The following ZNF205 variants were observed in gnomAD, a reference collection of about 807,000 sequenced individuals.
The protein encoded by ZNF205 is zinc finger protein 205, also known as transcriptional repressor RHIT.
ZNF205 carries 32 observed loss-of-function variants against 53.6 expected under a neutral mutation model. The ratio of observed to expected loss-of-function variants is 0.60; its 90% CI spans 0.45 to 0.80. ZNF205 has a LOEUF of 0.80. Among genes scored for constraint, ZNF205 ranks in the 30% least tolerant of loss-of-function variants. The pLI, the probability that ZNF205 is intolerant of heterozygous loss-of-function variation, is 0.00. For missense variants in ZNF205, 836 were observed against 782.4 expected (o/e 1.07, Z -0.82); for synonymous variants, 382 against 334.3 (o/e 1.14, Z -1.56).
rs1189962591 is a variant in ZNF205 at position 3,120,244 on chromosome 16, C to T, written c.1584C>T (p.Thr528=). ...ACCGGCACGAGAAGATCCACACCACCGGGCCCAAGGCCCTGGCCATGCTGA... is the reference window on the plus strand; with the variant it reads ...ACCGGCACGAGAAGATCCACACCACTGGGCCCAAGGCCCTGGCCATGCTGA... ...NLHRHEKIHT[T]GPKALAMLML... The change falls in exon 7 of 7, where the codon ACC becomes ACT. Residue 528 remains threonine, a synonymous_variant. Transcript: ENST00000219091. 2.5e-6 allele frequency: 4 copies of T among 1,606,852 alleles called. No individual in the cohort carries two copies. The highest frequency in any genetic ancestry group is 1.3e-5 in the African/African-American group (1 of 74,934).
chr16:3,115,385 A>G lies in ZNF205; in HGVS notation c.88A>G (p.Met30Val). ...AGATCGTGGACATCCTCATCAGGAA[A>G]TGCCTTCTAAGCTGGGGGAGGCGGT... ...VPDRGHPHQE[M>V]PSKLGEAVPS... The change falls in exon 3 of 7, where the codon ATG (methionine) becomes GTG (valine). Residue 30 changes from methionine (M) to valine (V), a missense_variant. Physicochemically the swap from Met to Val is conservative, Grantham distance 21. Transcript: ENST00000219091. 4 of 1,604,790 alleles carry G rather than the reference A, an allele frequency of 2.5e-6. No homozygotes were observed. Among genetic ancestry groups the G allele is most frequent in the Non-Finnish European group, 3.4e-6 (4 of 1,175,952 alleles).
In ZNF205 at chr16:3,116,555, C is replaced by T; in HGVS notation, c.484+8C>T. 1 of 1,612,916 alleles carries T rather than the reference C, an allele frequency of 6.2e-7. No individual in the cohort carries two copies. Among genetic ancestry groups the T allele is most frequent in the Non-Finnish European group, 8.5e-7 (1 of 1,179,408 alleles). ...AAAATGGGCTGTCACTGGGTAAGCA[C>T]TCGCCTGGAGGGGGGACTGGGGTGT... On this transcript the variant is annotated splice_region_variant and intron_variant, in intron 5 of 6. Transcript: ENST00000219091.
Position 3,115,548 on chromosome 16 carries a change from C to G in ZNF205, c.251C>G (p.Ala84Gly). Residue 84 changes from alanine (A) to glycine (G), a missense_variant, in exon 3 of 7, where the codon GCT becomes GGT. By Grantham distance (60) the Ala-to-Gly change is moderately conservative. Coordinates refer to ENST00000219091, the MANE Select transcript of ZNF205 (RefSeq NM_001042428.2). The stretch of plus-strand genomic sequence containing the variant: ...CTAAGTCACGGCTCTAAGGAGAAAG[C>G]TCTCTTCCTGCCTGGCGGAGGTAGG... ...APLSHGSKEK[A>G]LFLPGGALPS... is the part of the protein sequence containing the mutation. The G allele has an allele frequency of 6.3e-7, 1 of 1,594,082 alleles. No individual in the cohort carries two copies. The highest frequency in any genetic ancestry group is 8.5e-7 in the Non-Finnish European group (1 of 1,173,250).
intron 2 of ZNF205, chr16:3,114,985 TC>T (rs922267044): frequency 2.0e-4 from 36 of 176,744 alleles, no homozygotes; most frequent in African/African-American, 7.0e-4. Flanking sequence ...AAGACCCTTT[TC>T]CCCAATAAGG....
At chr16:3,117,712 C>G (rs1957363317) in intron 5 of ZNF205, among the ~76,000 whole-genome samples, 1 of 152,030 alleles carries the variant, frequency 6.6e-6, no homozygotes, top group Non-Finnish European at 1.5e-5. Flanking sequence ...TTTTGCCTCC[C>G]AAAGTGTTGG....
chr16:3,118,644 G>A (rs1596299442), intron 5 of ZNF205, among the ~76,000 whole-genome samples: 1 of 152,162 alleles, frequency 6.6e-6, no homozygotes, highest in Non-Finnish European at 1.5e-5. Flanking sequence ...TCCCGTGGGC[G>A]TTGATGTAGG....
Position 3,119,529 on chromosome 16 carries a change from C to A in ZNF205, c.869C>A (p.Pro290Gln). Residue 290 changes from proline (P) to glutamine (Q), a missense_variant, in exon 7 of 7, where the codon CCG becomes CAG. Coordinates refer to ENST00000219091, the MANE Select transcript of ZNF205 (RefSeq NM_001042428.2). ...EKPNEEEKGA[P>Q]ESGEEGLAPD... is the part of the protein sequence containing the mutation. ...CCCAACGAGGAGGAGAAGGGCGCCC[C>A]GGAGAGTGGCGAGGAGGGCCTGGCC... 1 of 1,604,158 alleles carries A rather than the reference C, an allele frequency of 6.2e-7. No homozygotes were observed. The highest frequency in any genetic ancestry group is 8.5e-7 in the Non-Finnish European group (1 of 1,176,000).
chr16:3,116,097 C>T, intron 4 of ZNF205, 177 bp downstream of exon 4: 1 of 758,762 alleles, frequency 1.3e-6, no homozygotes, highest in Non-Finnish European at 2.1e-6. Flanking sequence ...TGGGCCAAAG[C>T]TGGAGGAGAA....
Position 3,112,601 on chromosome 16 carries a change from C to T in ZNF205, c.-96C>T. Reference sequence around the variant, plus strand: ...CCCAGTCTCCACCCAACTCCCCCGCCCGCCCCGTGCAGGCTGTGGAGACTC... The same window carrying T: ...CCCAGTCTCCACCCAACTCCCCCGCTCGCCCCGTGCAGGCTGTGGAGACTC... On this transcript the variant is annotated 5_prime_UTR_variant, in exon 1 of 7. Coordinates refer to ENST00000219091, the MANE Select transcript of ZNF205 (RefSeq NM_001042428.2). 5.9e-6 allele frequency: 2 copies of T among 338,324 alleles called. No homozygotes were observed. The highest frequency in any genetic ancestry group is 7.8e-5 in the East Asian group (1 of 12,814). 21.0% of individuals were successfully genotyped at this position (338,324 alleles called of 1,614,324 possible).
Position 3,119,387 on chromosome 16 carries a change from C to G in ZNF205, c.727C>G (p.Arg243Gly), listed in dbSNP as rs201598677. 111 of 1,611,446 alleles carry G rather than the reference C, an allele frequency of 6.9e-5. No individual in the cohort carries two copies. In the African/African-American group the frequency reaches 1.4e-3, roughly 21 times the overall value. ...GTGCGCGCAGGAAGCAGCCTGCGGC[C>G]GGAGCTCAGGGCCGGCCAAAGACTC... is the stretch of plus-strand genomic sequence containing the variant. The part of the protein sequence containing the change: ...PQCAQEAACG[R>G]SSGPAKDSGQ... The change falls in exon 7 of 7, where the codon CGG becomes GGG. Residue 243 changes from arginine (R) to glycine (G), a missense_variant. Coordinates refer to ENST00000219091, the MANE Select transcript of ZNF205 (RefSeq NM_001042428.2).
Position 3,119,030 on chromosome 16 carries a change from C to G in ZNF205, c.595+15C>G. 6.2e-7 allele frequency: 1 copy of G among 1,610,408 alleles called. No homozygotes were observed. Among genetic ancestry groups the G allele is most frequent in the Non-Finnish European group, 8.5e-7 (1 of 1,178,726 alleles). ...CGCGTGCACAGGTGAGGGACGGGCG[C>G]GCGCCTTTGTCTGCGGGAGTGGGGC... On this transcript the variant is annotated intron_variant, in intron 6 of 6. Coordinates refer to ENST00000219091, the MANE Select transcript of ZNF205 (RefSeq NM_001042428.2).
At chr16:3,118,455 A>G (rs183348547) in intron 5 of ZNF205, among the ~76,000 whole-genome samples, 25 of 152,254 alleles carry the variant, frequency 1.6e-4, no homozygotes, top group Admixed American at 1.6e-3. Context: ...GGTGGAAGCC[A>G]GGGCCCCCTC....
At chr16:3,116,290 C>G in intron 4 of ZNF205, 137 bp from the exon 5 acceptor site, 1 of 1,342,548 alleles carries the variant, frequency 7.4e-7, no homozygotes, top group Non-Finnish European at 1.0e-6. Context: ...ACCTGCTTCC[C>G]GATCAGATGG....
chr16:3,117,438 A>C (rs1957359410), intron 5 of ZNF205, among the ~76,000 whole-genome samples: 1 of 109,832 alleles, frequency 9.1e-6, no homozygotes. Context: ...TTTAAGTCCC[A>C]GAGCTTTTTT....
At position 3,120,012 on chromosome 16, in the gene ZNF205, C is replaced by G. The variant is rs765040514; in HGVS notation, c.1352C>G (p.Pro451Arg). 4 of 1,613,470 alleles carry G rather than the reference C, an allele frequency of 2.5e-6. No individual in the cohort carries two copies. Among genetic ancestry groups the G allele is most frequent in the Admixed American group, 3.3e-5 (2 of 59,980 alleles). Residue 451 changes from proline (P) to arginine (R), a missense_variant, in exon 7 of 7, where the codon CCC becomes CGC. Coordinates refer to ENST00000219091, the MANE Select transcript of ZNF205 (RefSeq NM_001042428.2). ...ACTGGGGTCAAGCCCTATCCGTGCC[C>G]CGAGTGCGGCAAGTGCTTCAGCCAG... ...THTGVKPYPC[P>R]ECGKCFSQRS...
intron 1 of ZNF205, 158 bp from the exon 2 acceptor site, chr16:3,113,259 G>T: frequency 1.6e-6 from 1 of 636,306 alleles, no homozygotes; most frequent in Non-Finnish European, 2.8e-6. Flanking sequence ...CTTTCCGATT[G>T]GGACCAGGGA....
chr16:3,113,862 A>G (rs1048477929), intron 2 of ZNF205, among the ~76,000 whole-genome samples: 1 of 151,644 alleles, frequency 6.6e-6, no homozygotes, highest in Non-Finnish European at 1.5e-5. Flanking sequence ...TCCTTCCTGT[A>G]CCTGCTACCC....
In ZNF205 at chr16:3,119,768, C is replaced by T. The variant is rs1274500475; in HGVS notation, c.1108C>T (p.Arg370Trp). 6 of 1,613,040 alleles carry T rather than the reference C, an allele frequency of 3.7e-6. No individual in the cohort carries two copies. The highest frequency in any genetic ancestry group is 2.2e-5 in the East Asian group (1 of 44,768). ...GEKPYTCPAC[R>W]KSFSHHSTLI... is the part of the protein sequence containing the mutation. ...GAAGCCCTACACCTGCCCCGCCTGC[C>T]GGAAGAGCTTCAGCCACCACTCCAC... Residue 370 changes from arginine to tryptophan, a missense_variant, in exon 7 of 7, where the codon CGG becomes TGG. Coordinates refer to ENST00000219091, the MANE Select transcript of ZNF205 (RefSeq NM_001042428.2).
chr16:3,117,661 C>G (rs1169999573), intron 5 of ZNF205, among the ~76,000 whole-genome samples: 2 of 151,400 alleles, frequency 1.3e-5, no homozygotes, highest in African/African-American at 4.9e-5. Flanking sequence ...CTATGTTGCC[C>G]AGGTTGGTCT....
Sources: allele counts gnomAD v4.1 joint callset (sites outside exome capture counted in the v4.1 genomes callset), GRCh38; gene constraint gnomAD v4.1.1; transcripts MANE v1.5; gene names NCBI Gene and HGNC (gene_info 2026-07-23, HGNC 2026-07-21).